MALRD1: variants seen among roughly 807,000 people sequenced by gnomAD.
MALRD1 encodes the protein MAM and LDL receptor class A domain containing 1, also known as MAM and LDL-receptor class A domain-containing protein 1.
Under a neutral mutation model 242.1 loss-of-function variants are expected in MALRD1, and 247 were observed. The observed-to-expected ratio is 1.02, with a 90% CI of 0.92 to 1.13. The LOEUF (loss-of-function observed/expected upper bound fraction) is 1.13, where lower values mean the gene tolerates loss of function less well. Ranked by LOEUF, MALRD1 falls within the 50% of genes most tolerant of loss-of-function variation. The pLI, the probability that MALRD1 is intolerant of heterozygous loss-of-function variation, is 0.00. For missense variants in MALRD1, 2,989 were observed against 2,533.1 expected (o/e 1.18, Z -3.86); for synonymous variants, 995 against 866.6 (o/e 1.15, Z -2.60).
intron 36 of MALRD1, among the ~76,000 whole-genome samples, chr10:19,669,426 C>T (rs568197996): frequency 1.4e-4 from 22 of 152,182 alleles, no homozygotes; most frequent in East Asian, 3.9e-4. Flanking sequence ...GGCTGATGTT[C>T]GAGAGAAAGC....
At chr10:19,539,897 T>TGC (rs1323112743) in intron 32 of MALRD1, among the ~76,000 whole-genome samples, 54 of 44,428 alleles carry the variant, frequency 1.2e-3, no homozygotes, top group African/African-American at 2.8e-3. Flanking sequence ...TGTGTGTGTG[T>TGC]GCGCGCGCGC....
At chr10:19,305,911 AT>A (rs1377113716) in intron 21 of MALRD1, among the ~76,000 whole-genome samples, 1 of 130,426 alleles carries the variant, frequency 7.7e-6, no homozygotes, top group Non-Finnish European at 1.6e-5. Flanking sequence ...ACTATATACT[AT>A]ATTATATATT....
At position 19,467,414 on chromosome 10, in the gene MALRD1, A is replaced by AAAAAG. The variant is rs1836276268; in HGVS notation, c.5029+16926_5029+16930dup. ...TCTCAAAAAAAAAAAAAAAAAAAAGAAAAAGACCTTTCTTACAGCGCTATC... is the reference window on the plus strand; with the variant it reads ...TCTCAAAAAAAAAAAAAAAAAAAAGAAAAAGAAAAGACCTTTCTTACAGCGCTATC... On this transcript the variant is annotated intron_variant, in intron 29 of 39. Coordinates refer to ENST00000454679, the MANE Select transcript of MALRD1 (RefSeq NM_001142308.3). Among the ~76,000 whole-genome samples the AAAAAG allele has an allele frequency of 4.3e-5, 5 of 117,532 alleles. 1 individual carries two copies. The highest frequency in any genetic ancestry group is 6.8e-5 in the Non-Finnish European group (4 of 59,136). The allele number at this position is 117,532 out of a possible 152,430, so 77.1% of individuals were successfully genotyped here.
intron 33 of MALRD1, among the ~76,000 whole-genome samples, chr10:19,574,679 T>C (rs1836720970): frequency 6.6e-6 from 1 of 152,164 alleles, no homozygotes; most frequent in African/African-American, 2.4e-5. Flanking sequence ...CTCTAGACCA[T>C]GTTATGTCAC....
intron 33 of MALRD1, among the ~76,000 whole-genome samples, chr10:19,574,884 A>G (rs879786888): frequency 2.6e-5 from 4 of 152,122 alleles, no homozygotes; most frequent in Admixed American, 6.5e-5. Flanking sequence ...AAAAGTAGAA[A>G]TGTCATTGCA....
At chr10:19,192,083 A>G (rs925817584) in intron 14 of MALRD1, among the ~76,000 whole-genome samples, 1 of 152,188 alleles carries the variant, frequency 6.6e-6, no homozygotes, top group African/African-American at 2.4e-5. Flanking sequence ...AGCCAGTCAC[A>G]AAAAGAAGTA....
intron 29 of MALRD1, among the ~76,000 whole-genome samples, chr10:19,480,730 A>G (rs12269419): frequency 0.14 from 21,717 of 152,150 alleles, 1,877 homozygotes; most frequent in African/African-American, 0.23. Context: ...ATGAGACCAT[A>G]GTGGTCCTTG....
At chr10:19,702,557 T>C (rs1487938124) in intron 38 of MALRD1, among the ~76,000 whole-genome samples, 2 of 152,234 alleles carry the variant, frequency 1.3e-5, no homozygotes, top group African/African-American at 4.8e-5. Flanking sequence ...CAATATATGA[T>C]TGCCGAAGAT....
At chr10:19,273,173 T>C (rs745321002) in intron 19 of MALRD1, among the ~76,000 whole-genome samples, 14 of 152,184 alleles carry the variant, frequency 9.2e-5, no homozygotes, top group South Asian at 2.1e-4. Flanking sequence ...GTAAAAATTA[T>C]ATAATTTTTA....
At chr10:19,642,816 G>C (rs188318061) in intron 36 of MALRD1, among the ~76,000 whole-genome samples, 23 of 152,162 alleles carry the variant, frequency 1.5e-4, no homozygotes, top group African/African-American at 5.5e-4. Context: ...TTACTAATAG[G>C]GGGTATAAAT....
chr10:19,268,587 G>A (rs188901844), intron 19 of MALRD1, among the ~76,000 whole-genome samples: 55 of 152,192 alleles, frequency 3.6e-4, no homozygotes, highest in African/African-American at 1.1e-3. Context: ...CAGGGAAAAC[G>A]TATACGTTGT....
At chr10:19,666,470 T>C (rs1188360204) in intron 36 of MALRD1, among the ~76,000 whole-genome samples, 1 of 152,194 alleles carries the variant, frequency 6.6e-6, no homozygotes, top group Admixed American at 6.5e-5. Context: ...CTGTTCTTAT[T>C]CAGATTCTCA....
At chr10:19,722,590 T>TAAAAAAAAAAAAAAAAAAAAAAAAAAAA (rs372286640) in intron 38 of MALRD1, 17 of 45,358 alleles carry the variant, frequency 3.7e-4, no homozygotes, top group Non-Finnish European at 4.7e-4. Flanking sequence ...ACCATGTCTC[T>TAAAAAAAAAAAAAAAAAAAAAAAAAAAA]AAAAAAAAAA....
chr10:19,638,430 G>T (rs1258123284), intron 36 of MALRD1, among the ~76,000 whole-genome samples: 1 of 152,132 alleles, frequency 6.6e-6, no homozygotes, highest in African/African-American at 2.4e-5. Flanking sequence ...CATTAAGGGA[G>T]TAGCAGAAGG....
At chr10:19,223,104 C>A (rs1837635051) in intron 18 of MALRD1, among the ~76,000 whole-genome samples, 1 of 152,110 alleles carries the variant, frequency 6.6e-6, no homozygotes, top group Admixed American at 6.6e-5. Context: ...TTAAAAGTGG[C>A]ATATTGACAA....
intron 29 of MALRD1, among the ~76,000 whole-genome samples, chr10:19,487,100 C>T (rs1273173388): frequency 6.6e-6 from 1 of 152,026 alleles, no homozygotes; most frequent in Non-Finnish European, 1.5e-5. Flanking sequence ...ATGCCATAAT[C>T]TGCTGGCCAG....
chr10:19,253,949 C>T (rs1839399969), intron 18 of MALRD1, among the ~76,000 whole-genome samples: 2 of 151,924 alleles, frequency 1.3e-5, no homozygotes, highest in African/African-American at 2.4e-5. Flanking sequence ...CTCACAAAAT[C>T]TGATGGTTTT....
At position 19,209,651 on chromosome 10, in the gene MALRD1, C is replaced by G; in HGVS notation, c.2962C>G (p.Leu988Val). The G allele has an allele frequency of 1.3e-6, 2 of 1,549,796 alleles. No individual in the cohort carries two copies. Among genetic ancestry groups the G allele is most frequent in the Non-Finnish European group, 1.7e-6 (2 of 1,146,460 alleles). ...NQGNRWIRKH[L>V]NISSRQPFQI... is the part of the protein sequence containing the mutation. ...AGGCAACAGATGGATTAGGAAACAC[C>G]TCAACATTTCCAGCAGGCAGCCCTT... Residue 988 changes from leucine (L) to valine (V), a missense_variant, in exon 18 of 40, where the codon CTC (leucine) becomes GTC (valine). Leu to Val is a conservative substitution (Grantham distance 32, BLOSUM62 1). Coordinates refer to ENST00000454679, the MANE Select transcript of MALRD1 (RefSeq NM_001142308.3).
At chr10:19,511,248 GC>G (rs1833388653) in intron 31 of MALRD1, among the ~76,000 whole-genome samples, 2 of 152,256 alleles carry the variant, frequency 1.3e-5, no homozygotes, top group South Asian at 4.1e-4. Context: ...AGTGAGTGGT[GC>G]CGTTAAAATG....
Sources: gnomAD v4.1 joint callset for allele counts (sites outside exome capture counted in the v4.1 genomes callset) on GRCh38, gnomAD v4.1.1 for gene constraint, MANE v1.5 for transcripts, NCBI Gene and HGNC (gene_info 2026-07-23, HGNC 2026-07-21) for gene names.